Variants in CHSY3 observed in about 807,000 individuals in gnomAD.
CHSY3 encodes N-acetylgalactosaminyl-proteoglycan 3-beta-glucuronosyltransferase 3.
Under a neutral mutation model 67.2 loss-of-function variants are expected in CHSY3, and 35 were observed. The observed-to-expected ratio is 0.52, with a 90% CI of 0.40 to 0.69. CHSY3 has a LOEUF of 0.69. Ranked by LOEUF, CHSY3 falls within the 30% of genes least tolerant of loss-of-function variation. CHSY3 has a pLI of 0.00. For synonymous variants in CHSY3, 474 were observed against 434.7 expected, an observed-to-expected ratio of 1.09 and a Z score of -1.12; for missense variants, 1,069 against 1,138.5, an observed-to-expected ratio of 0.94 and a Z score of 0.88.
chr5:129,915,864 T>G (rs1387754188), intron 2 of CHSY3, among the ~76,000 whole-genome samples: 1 of 152,176 alleles, frequency 6.6e-6, no homozygotes, highest in Non-Finnish European at 1.5e-5. Flanking sequence ...CTCTAACTTC[T>G]TTCGATACTG....
In CHSY3 at chr5:129,921,491, TTGTG is replaced by T. The variant is rs1394608615; in HGVS notation, c.1086+13133_1086+13136del. Among the ~76,000 whole-genome samples, 5 of 152,254 alleles carry T rather than the reference TTGTG, an allele frequency of 3.3e-5. No homozygotes were observed. In the East Asian group the frequency reaches 7.7e-4, roughly 24 times the overall value. On this transcript the variant is annotated intron_variant, in intron 2 of 2. Coordinates refer to ENST00000305031, the MANE Select transcript of CHSY3 (RefSeq NM_175856.5). The stretch of plus-strand genomic sequence containing the variant: ...CAGTGTGCAATTTAAAACATATAAT[TTGTG>T]TATTTCTAGAATTTTTCATTTAATA...
At position 130,147,738 on chromosome 5, in the gene CHSY3, A is replaced by G. The variant is rs2149722737; in HGVS notation, c.1087-36491A>G. Among the ~76,000 whole-genome samples, 2 of 152,324 alleles carry G rather than the reference A, an allele frequency of 1.3e-5. 1 individual carries two copies. The highest frequency in any genetic ancestry group is 6.8e-3 in the Middle Eastern group (2 of 294). Reference sequence around the variant, plus strand: ...GGCAAAGTGGGAGTTTGCATGTCACATGGAAAAGCAGGAATGAGAGCGAGT... The same window carrying G: ...GGCAAAGTGGGAGTTTGCATGTCACGTGGAAAAGCAGGAATGAGAGCGAGT... On this transcript the variant is annotated intron_variant, in intron 2 of 2. Transcript: ENST00000305031.
At chr5:129,967,100 A>C (rs1027238102) in intron 2 of CHSY3, among the ~76,000 whole-genome samples, 22 of 151,832 alleles carry the variant, frequency 1.4e-4, no homozygotes, top group Non-Finnish European at 5.9e-5. Context: ...TTAACATCAG[A>C]ATTCACTCCT....
At chr5:130,164,196 A>T (rs933961666) in intron 2 of CHSY3, among the ~76,000 whole-genome samples, 1 of 152,174 alleles carries the variant, frequency 6.6e-6, no homozygotes, top group Non-Finnish European at 1.5e-5. Flanking sequence ...TTTGATCTAT[A>T]TCTTCCTTGA....
intron 2 of CHSY3, among the ~76,000 whole-genome samples, chr5:130,111,071 G>A (rs1767578794): frequency 6.6e-6 from 1 of 151,998 alleles, no homozygotes; most frequent in African/African-American, 2.4e-5. Flanking sequence ...AAGGATGTAT[G>A]ATCATATGAA....
intron 2 of CHSY3, among the ~76,000 whole-genome samples, chr5:130,137,874 T>C (rs551864710): frequency 6.6e-6 from 1 of 152,284 alleles, no homozygotes; most frequent in South Asian, 2.1e-4. Context: ...AATGTTGCCA[T>C]ATGGCAATGT....
At chr5:129,923,061 G>C (rs1238940229) in intron 2 of CHSY3, among the ~76,000 whole-genome samples, 1 of 152,142 alleles carries the variant, frequency 6.6e-6, no homozygotes, top group African/African-American at 2.4e-5. Flanking sequence ...TAGAGATTGT[G>C]ACAATTGACA....
intron 2 of CHSY3, among the ~76,000 whole-genome samples, chr5:130,159,911 T>C (rs1349686031): frequency 6.6e-6 from 1 of 152,196 alleles, no homozygotes; most frequent in Non-Finnish European, 1.5e-5. Context: ...ACAAAGAATA[T>C]TTCTAACTAA....
intron 2 of CHSY3, among the ~76,000 whole-genome samples, chr5:130,103,449 A>T (rs1767313482): frequency 6.6e-6 from 1 of 152,042 alleles, no homozygotes; most frequent in Admixed American, 6.6e-5. Flanking sequence ...GTTGGCCTAA[A>T]TGTTCTCTTT....
At chr5:129,925,190 A>C (rs1241170280) in intron 2 of CHSY3, among the ~76,000 whole-genome samples, 1 of 152,216 alleles carries the variant, frequency 6.6e-6, no homozygotes, top group Non-Finnish European at 1.5e-5. Flanking sequence ...GAAGTAAAGC[A>C]TAAGAATGAA....
At chr5:130,077,309 G>A (rs1256109821) in intron 2 of CHSY3, among the ~76,000 whole-genome samples, 3 of 151,826 alleles carry the variant, frequency 2.0e-5, no homozygotes, top group South Asian at 2.1e-4. Flanking sequence ...CCATGTTTAC[G>A]GTAGTAATGT....
At chr5:129,939,078 C>A (rs1269554269) in intron 2 of CHSY3, among the ~76,000 whole-genome samples, 1 of 152,082 alleles carries the variant, frequency 6.6e-6, no homozygotes, top group African/African-American at 2.4e-5. Context: ...CTTGGGGAGC[C>A]CTCAGGAAAC....
chr5:129,921,431 A>G (rs1451596915), intron 2 of CHSY3, among the ~76,000 whole-genome samples: 3 of 152,200 alleles, frequency 2.0e-5, no homozygotes, highest in Admixed American at 6.5e-5. Flanking sequence ...GCAGGATGGA[A>G]CAAGATGACT....
At position 129,921,257 on chromosome 5, in the gene CHSY3, C is replaced by T. The variant is rs74517797; in HGVS notation, c.1086+12897C>T. Among the ~76,000 whole-genome samples the T allele has an allele frequency of 9.9e-5, 15 of 152,258 alleles. No homozygotes were observed. In the East Asian group the frequency reaches 2.3e-3, roughly 24 times the overall value. ...GTTATTAAGTAAAACATGTACTATGCACAAGCACTATGATACCTTGACACA... is the reference window on the plus strand; with the variant it reads ...GTTATTAAGTAAAACATGTACTATGTACAAGCACTATGATACCTTGACACA... On this transcript the variant is annotated intron_variant, in intron 2 of 2. Coordinates refer to ENST00000305031, the MANE Select transcript of CHSY3 (RefSeq NM_175856.5).
chr5:130,077,762 T>C (rs904914009), intron 2 of CHSY3, among the ~76,000 whole-genome samples: 1 of 152,042 alleles, frequency 6.6e-6, no homozygotes, highest in Non-Finnish European at 1.5e-5. Flanking sequence ...TCTAACTTTT[T>C]AATAAACCTA....
intron 2 of CHSY3, among the ~76,000 whole-genome samples, chr5:130,121,185 A>C (rs1768009920): frequency 6.6e-6 from 1 of 152,176 alleles, no homozygotes; most frequent in Non-Finnish European, 1.5e-5. Flanking sequence ...TTCTGATTCT[A>C]TGATTCTGGG....
At chr5:130,151,827 A>G (rs1015801972) in intron 2 of CHSY3, among the ~76,000 whole-genome samples, 4 of 152,168 alleles carry the variant, frequency 2.6e-5, no homozygotes, top group Non-Finnish European at 5.9e-5. Context: ...GGGGATTATG[A>G]GGTTACAATT....
intron 2 of CHSY3, among the ~76,000 whole-genome samples, chr5:130,168,472 T>C (rs567353596): frequency 6.6e-6 from 1 of 152,238 alleles, no homozygotes; most frequent in South Asian, 2.1e-4. Context: ...TATGAGTCAC[T>C]ACTTAAATAA....
At chr5:129,987,722 T>G (rs1293169264) in intron 2 of CHSY3, among the ~76,000 whole-genome samples, 1 of 152,186 alleles carries the variant, frequency 6.6e-6, no homozygotes, top group Non-Finnish European at 1.5e-5. Context: ...ATTTCTGTCT[T>G]GTATTAGTTG....
Sources: allele counts gnomAD v4.1 joint callset (sites outside exome capture counted in the v4.1 genomes callset), GRCh38; gene constraint gnomAD v4.1.1; transcripts MANE v1.5; gene names NCBI Gene and HGNC (gene_info 2026-07-23, HGNC 2026-07-21).